The following CNTN4 variants were observed in gnomAD, a reference collection of about 807,000 sequenced individuals.
CNTN4 encodes the protein contactin 4.
In CNTN4, 77 loss-of-function variants were observed where a neutral mutation model predicts 122.5. The ratio of observed to expected loss-of-function variants is 0.63; its 90% CI spans 0.52 to 0.76. The LOEUF is 0.76. Ranked by LOEUF, CNTN4 falls within the 30% of genes least tolerant of loss-of-function variation. The probability of loss-of-function intolerance (pLI) is 0.00; values close to 1 mark genes in which losing one functional copy is unlikely to be tolerated. For missense variants in CNTN4, 1,256 were observed against 1,259.1 expected (o/e 1.00, Z 0.04); for synonymous variants, 512 against 447.0 (o/e 1.15, Z -1.83).
At chr3:2,171,455 G>A (rs1261081920) in intron 2 of CNTN4, among the ~76,000 whole-genome samples, 2 of 152,166 alleles carry the variant, frequency 1.3e-5, no homozygotes, top group Middle Eastern at 3.2e-3. Context: ...GAATTAAGGG[G>A]ATGAAATTAC....
At chr3:2,903,762 T>C (rs1406127066) in intron 12 of CNTN4, among the ~76,000 whole-genome samples, 1 of 152,186 alleles carries the variant, frequency 6.6e-6, no homozygotes, top group East Asian at 1.9e-4. Flanking sequence ...TTGTGATCTT[T>C]CTATCTTTTT....
rs116729329 is a variant in CNTN4 at position 2,320,491 on chromosome 3, T to C, written c.-144-18687T>C. Among the ~76,000 whole-genome samples the C allele has an allele frequency of 5.2e-3, 787 of 152,280 alleles. 8 individuals are homozygous for C. Among genetic ancestry groups the C allele is most frequent in the Admixed American group, 0.02 (311 of 15,282 alleles). ...GCGTCCCACCTTAACATAGAATCAATCTATGCTATTTGCTATGTATCCCAG... is the reference window on the plus strand; with the variant it reads ...GCGTCCCACCTTAACATAGAATCAACCTATGCTATTTGCTATGTATCCCAG... On this transcript the variant is annotated intron_variant, in intron 2 of 24. Coordinates refer to ENST00000418658, the MANE Select transcript of CNTN4 (RefSeq NM_175607.3).
At chr3:2,894,161 T>C (rs1457743725) in intron 10 of CNTN4, among the ~76,000 whole-genome samples, 1 of 152,190 alleles carries the variant, frequency 6.6e-6, no homozygotes, top group East Asian at 1.9e-4. Flanking sequence ...AAAAGTGCAT[T>C]CTCCTATATA....
In CNTN4 at chr3:3,042,290, A is replaced by G. The variant is rs1476230535; in HGVS notation, c.2399-20A>G. 1.4e-5 allele frequency: 21 copies of G among 1,494,604 alleles called. No individual in the cohort carries two copies. The highest frequency in any genetic ancestry group is 2.3e-5 in the South Asian group (2 of 88,634). 92.6% of individuals were successfully genotyped at this position (1,494,604 alleles called of 1,614,324 possible). ...TAATATAGCTGATAGAGTAATAACTATCTCCATATTCATCTACAGAACCCA... is the reference window on the plus strand; with the variant it reads ...TAATATAGCTGATAGAGTAATAACTGTCTCCATATTCATCTACAGAACCCA... On this transcript the variant is annotated intron_variant, in intron 20 of 24. Transcript: ENST00000418658.
At chr3:2,788,285 C>G (rs746414332) in intron 6 of CNTN4, among the ~76,000 whole-genome samples, 12 of 152,176 alleles carry the variant, frequency 7.9e-5, no homozygotes, top group Admixed American at 3.3e-4. Flanking sequence ...GAATTGTCTT[C>G]TGTGTCCTGT....
At chr3:2,512,963 A>G (rs1412876960) in intron 3 of CNTN4, among the ~76,000 whole-genome samples, 1 of 152,190 alleles carries the variant, frequency 6.6e-6, no homozygotes, top group African/African-American at 2.4e-5. Context: ...GAAGACTCAA[A>G]ATAGATGGTT....
At chr3:2,205,251 A>G (rs1026934151) in intron 2 of CNTN4, among the ~76,000 whole-genome samples, 1 of 150,494 alleles carries the variant, frequency 6.6e-6, no homozygotes, top group African/African-American at 2.4e-5. Flanking sequence ...TTATTTCTAA[A>G]TATCAATATT....
chr3:2,551,306 C>G (rs1307342976), intron 3 of CNTN4, among the ~76,000 whole-genome samples: 4 of 151,942 alleles, frequency 2.6e-5, no homozygotes, highest in Admixed American at 6.6e-5. Flanking sequence ...AATGTCAGCT[C>G]AAAATCTAAA....
chr3:2,887,838 T>C (rs926590574), intron 10 of CNTN4, among the ~76,000 whole-genome samples: 2 of 152,218 alleles, frequency 1.3e-5, no homozygotes, highest in Admixed American at 6.5e-5. Flanking sequence ...ATGGTCATTA[T>C]TGAGACCATC....
intron 2 of CNTN4, among the ~76,000 whole-genome samples, chr3:2,327,977 T>C (rs2150263692): frequency 6.6e-6 from 1 of 152,348 alleles, no homozygotes; most frequent in South Asian, 2.1e-4. Flanking sequence ...GGAGGAGTCC[T>C]GACTTATACC....
intron 7 of CNTN4, among the ~76,000 whole-genome samples, chr3:2,826,730 G>T (rs1055545685): frequency 3.3e-5 from 5 of 152,262 alleles, no homozygotes; most frequent in Non-Finnish European, 5.9e-5. Flanking sequence ...ACAGGTCACT[G>T]AGCCAGGACG....
At chr3:2,770,809 C>T (rs2149769214) in intron 6 of CNTN4, among the ~76,000 whole-genome samples, 1 of 152,318 alleles carries the variant, frequency 6.6e-6, no homozygotes, top group Non-Finnish European at 1.5e-5. Context: ...AGTGTGAGAC[C>T]AGTTACCATT....
intron 2 of CNTN4, among the ~76,000 whole-genome samples, chr3:2,333,499 C>T (rs1419499826): frequency 1.3e-5 from 2 of 152,174 alleles, no homozygotes; most frequent in Non-Finnish European, 2.9e-5. Context: ...TAATCATATT[C>T]TAGTGGTGCT....
At chr3:2,783,881 A>G (rs1325944433) in intron 6 of CNTN4, among the ~76,000 whole-genome samples, 2 of 152,126 alleles carry the variant, frequency 1.3e-5, no homozygotes, top group African/African-American at 4.8e-5. Context: ...AGTTAGTTGA[A>G]CCCTATAATT....
intron 2 of CNTN4, among the ~76,000 whole-genome samples, chr3:2,304,074 C>G (rs1050959432): frequency 2.0e-5 from 3 of 152,162 alleles, no homozygotes; most frequent in Admixed American, 2.0e-4. Flanking sequence ...TTCAGTCCAT[C>G]TATCTTTTGA....
At chr3:2,468,114 C>G (rs1269126125) in intron 3 of CNTN4, among the ~76,000 whole-genome samples, 6 of 152,110 alleles carry the variant, frequency 3.9e-5, no homozygotes, top group African/African-American at 1.4e-4. Context: ...ACAAAGAGTC[C>G]TATTCATAAG....
chr3:2,389,986 A>G lies in CNTN4; in HGVS notation c.-89+50753A>G, dbSNP rs568076467. Among the ~76,000 whole-genome samples, 2 of 152,346 alleles carry G rather than the reference A, an allele frequency of 1.3e-5. 1 individual carries two copies. Among genetic ancestry groups the G allele is most frequent in the Admixed American group, 1.3e-4 (2 of 15,302 alleles). ...GATTAAAGGGACATGTCAAGTGTAT[A>G]TGAACTATCTCAGATTTGCTTTGGT... is the stretch of plus-strand genomic sequence containing the variant. On this transcript the variant is annotated intron_variant, in intron 3 of 24. Transcript: ENST00000418658.
intron 6 of CNTN4, among the ~76,000 whole-genome samples, chr3:2,797,381 C>T (rs544587533): frequency 4.6e-5 from 7 of 152,138 alleles, no homozygotes; most frequent in Non-Finnish European, 8.8e-5. Flanking sequence ...GGTGGATTAC[C>T]TAGGTCAGGA....
At chr3:3,051,887 T>A (rs901518105) in intron 23 of CNTN4, among the ~76,000 whole-genome samples, 1 of 152,142 alleles carries the variant, frequency 6.6e-6, no homozygotes, top group Non-Finnish European at 1.5e-5. Flanking sequence ...TTATAAGGGA[T>A]CTTAGGGAAG....
Sources: allele counts gnomAD v4.1 joint callset (sites outside exome capture counted in the v4.1 genomes callset), GRCh38; gene constraint gnomAD v4.1.1; transcripts MANE v1.5; gene names NCBI Gene and HGNC (gene_info 2026-07-23, HGNC 2026-07-21).